The following ZNF236 variants were observed in gnomAD, a reference collection of about 807,000 sequenced individuals.
ZNF236 encodes zinc finger protein 236, also known as regulated by glucose.
A neutral mutation model predicts 191.2 loss-of-function variants in ZNF236; 50 were observed. The observed-to-expected ratio is 0.26, with a 90% CI of 0.21 to 0.33. ZNF236 has a LOEUF of 0.33. Among genes scored for constraint, ZNF236 ranks in the 10% least tolerant of loss-of-function variants. The pLI, the probability that ZNF236 is intolerant of heterozygous loss-of-function variation, is 1.00. For synonymous variants in ZNF236, 907 were observed against 928.8 expected (o/e 0.98, Z 0.43); for missense variants, 1,754 against 2,374.5 (o/e 0.74, Z 5.43).
intron 10 of ZNF236, among the ~76,000 whole-genome samples, chr18:76,896,551 C>G (rs1977420526): frequency 6.6e-6 from 1 of 151,446 alleles, no homozygotes; most frequent in African/African-American, 2.4e-5. Context: ...AACACAGGTA[C>G]TGCACACAGG....
intron 26 of ZNF236, among the ~76,000 whole-genome samples, chr18:76,943,729 T>G (rs1451715569): frequency 6.6e-6 from 1 of 152,196 alleles, no homozygotes; most frequent in East Asian, 1.9e-4. Flanking sequence ...TAGTTGTAAG[T>G]TTAACACTGA....
intron 1 of ZNF236, among the ~76,000 whole-genome samples, chr18:76,847,201 A>G (rs1975716730): frequency 6.6e-6 from 1 of 152,198 alleles, no homozygotes; most frequent in Admixed American, 6.5e-5. Flanking sequence ...AGTAGTTTCA[A>G]CATAGAGGCT....
At chr18:76,955,913 G>C in intron 27 of ZNF236, 72 bp from the exon 28 acceptor site, 1 of 1,486,948 alleles carries the variant, frequency 6.7e-7, no homozygotes. Context: ...TATCACCACG[G>C]TGTGTGTCAG....
At chr18:76,952,551 G>A (rs1344322186) in intron 27 of ZNF236, among the ~76,000 whole-genome samples, 1 of 152,194 alleles carries the variant, frequency 6.6e-6, no homozygotes, top group Non-Finnish European at 1.5e-5. Flanking sequence ...GGCTGGGAGT[G>A]CTGGCTGTAG....
At chr18:76,868,253 T>G (rs140900260) in intron 3 of ZNF236, among the ~76,000 whole-genome samples, 121 of 152,314 alleles carry the variant, frequency 7.9e-4, no homozygotes, top group African/African-American at 2.5e-3. Context: ...ACTAAAAACT[T>G]GGAAGCTGGC....
chr18:76,832,520 T>C (rs1665204636), intron 1 of ZNF236, among the ~76,000 whole-genome samples: 1 of 152,138 alleles, frequency 6.6e-6, no homozygotes, highest in South Asian at 2.1e-4. Context: ...GTCTTTTTTT[T>C]ACATGGTTGC....
At chr18:76,845,772 C>G (rs1450364179) in intron 1 of ZNF236, among the ~76,000 whole-genome samples, 1 of 152,040 alleles carries the variant, frequency 6.6e-6, no homozygotes, top group Non-Finnish European at 1.5e-5. Flanking sequence ...TCAATTGAAC[C>G]CGGGAGGTGA....
At chr18:76,874,037 C>T (rs1239630775) in intron 5 of ZNF236, among the ~76,000 whole-genome samples, 4 of 150,814 alleles carry the variant, frequency 2.7e-5, no homozygotes, top group African/African-American at 9.8e-5. Flanking sequence ...GTCCTCCTCT[C>T]CTGTCCCCAC....
intron 9 of ZNF236, chr18:76,886,065 C>T (rs1308466074): frequency 6.6e-6 from 1 of 152,220 alleles, no homozygotes; most frequent in Non-Finnish European, 1.5e-5. Flanking sequence ...TCTACAGATT[C>T]CTCAATTAAT....
At chr18:76,920,308 TG>T (rs1345354200) in intron 20 of ZNF236, among the ~76,000 whole-genome samples, 3 of 152,170 alleles carry the variant, frequency 2.0e-5, no homozygotes, top group African/African-American at 7.2e-5. Flanking sequence ...CCCAGCACTT[TG>T]GGAGGCTGAG....
chr18:76,824,625 G>T (rs1474502693), intron 1 of ZNF236, among the ~76,000 whole-genome samples: 1 of 152,190 alleles, frequency 6.6e-6, no homozygotes, highest in Non-Finnish European at 1.5e-5. Context: ...GATAGAGAAA[G>T]AATGTAAAAT....
rs1228397812 is a variant in ZNF236, at chr18:76,875,700, A to G, written c.840+36A>G. On this transcript the variant is annotated intron_variant, in intron 6 of 30. Coordinates refer to ENST00000320610, the MANE Select transcript of ZNF236 (RefSeq NM_001306089.2). This position sits in a 1 kb window ranked among gnomAD's most constrained non-coding sequence, Gnocchi z 4.3. ...GTTGGGGGCATAAGCGGTATTTCAC[A>G]GGGGACAGTAGGTATCTTTTGGGTT... 23 of 1,419,338 alleles carry G rather than the reference A, an allele frequency of 1.6e-5. No individual in the cohort carries two copies. The highest frequency in any genetic ancestry group is 2.0e-5 in the Non-Finnish European group (21 of 1,074,912). The allele number at this position is 1,419,338 out of a possible 1,614,324, so 87.9% of individuals were successfully genotyped here. A position where few individuals can be genotyped will look rare whatever the true frequency, so the allele number is the denominator to read the frequency against.
chr18:76,838,917 T>C lies in ZNF236; in HGVS notation c.56-10609T>C, dbSNP rs144995013. ...CCCTCCTTGTTGCGACTAGCCACTTTGCTGATTTCTAACAACGTAGGTTAG... is the reference window on the plus strand; with the variant it reads ...CCCTCCTTGTTGCGACTAGCCACTTCGCTGATTTCTAACAACGTAGGTTAG... On this transcript the variant is annotated intron_variant, in intron 1 of 30. Transcript: ENST00000320610. Among the ~76,000 whole-genome samples the C allele has an allele frequency of 3.0e-3, 461 of 152,360 alleles. 1 individual carries two copies. Among genetic ancestry groups the C allele is most frequent in the Middle Eastern group, 0.017 (5 of 294 alleles).
At chr18:76,849,071 A>C (rs1423080754) in intron 1 of ZNF236, 1 of 152,996 alleles carries the variant, frequency 6.5e-6, no homozygotes, top group Admixed American at 6.5e-5. Context: ...TGAGTGGTTT[A>C]AGATACTGGA....
At chr18:76,854,790 C>T (rs564707171) in intron 3 of ZNF236, among the ~76,000 whole-genome samples, 25 of 152,076 alleles carry the variant, frequency 1.6e-4, no homozygotes, top group Admixed American at 3.3e-4. Flanking sequence ...ACTTTTTTCC[C>T]CCAAGTTCTT....
intron 25 of ZNF236, among the ~76,000 whole-genome samples, chr18:76,932,000 G>GATT (rs1967866057): frequency 1.3e-5 from 2 of 152,186 alleles, no homozygotes; most frequent in Admixed American, 1.3e-4. Context: ...TTCCATAAAA[G>GATT]ATTATAGTGT....
At position 76,910,801 on chromosome 18, in the gene ZNF236, G is replaced by A. The variant is rs1271745263; in HGVS notation, c.2795G>A (p.Gly932Glu). Residue 932 changes from glycine to glutamate, a missense_variant, in exon 16 of 31, where the codon GGG becomes GAG. Coordinates refer to ENST00000320610, the MANE Select transcript of ZNF236 (RefSeq NM_001306089.2). ...TTGCTGCAGGCTCCCAGCTCTGATG[G>A]GATGAATGTAGTGAGTATGGACAGA... ...QSLLQAPSSD[G>E]MNVTTRLIQE... 3 of 1,613,990 alleles carry A rather than the reference G, an allele frequency of 1.9e-6. No homozygotes were observed. The Admixed American group carries it at 5.0e-5, about 27-fold the overall frequency.
intron 21 of ZNF236, 130 bp downstream of exon 21, chr18:76,923,304 G>A (rs148491095): frequency 1.4e-4 from 83 of 584,626 alleles, no homozygotes; most frequent in African/African-American, 1.3e-3. Context: ...CACCAAGAAG[G>A]AAGTGATATA....
intron 1 of ZNF236, among the ~76,000 whole-genome samples, chr18:76,847,771 C>T (rs553586226): frequency 3.3e-5 from 5 of 152,320 alleles, no homozygotes; most frequent in Admixed American, 2.0e-4. Context: ...CCCCTCCGCC[C>T]GGCCCCAGCA....
Sources: allele counts gnomAD v4.1 joint callset (sites outside exome capture counted in the v4.1 genomes callset), GRCh38; gene constraint gnomAD v4.1.1; non-coding constraint Gnocchi (gnomAD v3.1); transcripts MANE v1.5; gene names NCBI Gene and HGNC (gene_info 2026-07-23, HGNC 2026-07-21).